Variants in COL21A1 observed in about 807,000 individuals in gnomAD.
COL21A1 encodes the protein collagen alpha-1(XXI) chain.
A neutral mutation model predicts 137.9 loss-of-function variants in COL21A1; 149 were observed. The observed-to-expected ratio is 1.08, with a 90% CI of 0.95 to 1.24. The LOEUF is 1.24. Ranked by LOEUF, COL21A1 falls within the 50% of genes most tolerant of loss-of-function variation. COL21A1 has a pLI of 0.00. For missense variants in COL21A1, 1,167 were observed against 1,158.4 expected, an observed-to-expected ratio of 1.01 and a Z score of -0.11; for synonymous variants, 456 against 391.5, an observed-to-expected ratio of 1.16 and a Z score of -1.95.
chr6:56,200,739 T>C (rs915917171), intron 1 of COL21A1, among the ~76,000 whole-genome samples: 1 of 152,092 alleles, frequency 6.6e-6, no homozygotes, highest in African/African-American at 2.4e-5. Flanking sequence ...GTCTTGGCTA[T>C]TGTGAATAGT....
intron 1 of COL21A1, among the ~76,000 whole-genome samples, chr6:56,333,586 T>A (rs1043121455): frequency 6.6e-6 from 1 of 152,146 alleles, no homozygotes; most frequent in Non-Finnish European, 1.5e-5. Context: ...AAAGCTGCTA[T>A]GAACATTCAC....
At chr6:56,323,087 G>T (rs925672882) in intron 1 of COL21A1, among the ~76,000 whole-genome samples, 2 of 151,994 alleles carry the variant, frequency 1.3e-5, no homozygotes, top group Admixed American at 6.6e-5. Context: ...CACTATTTGC[G>T]TGATAGTTAC....
chr6:56,288,129 G>A (rs1201377558), intron 1 of COL21A1, among the ~76,000 whole-genome samples: 1 of 151,966 alleles, frequency 6.6e-6, no homozygotes, highest in Non-Finnish European at 1.5e-5. Context: ...GCAATAGGAA[G>A]CTAATACAGG....
intron 1 of COL21A1, among the ~76,000 whole-genome samples, chr6:56,307,869 C>G (rs111402266): frequency 0.083 from 12,633 of 152,224 alleles, 566 homozygotes; most frequent in Middle Eastern, 0.14. Context: ...TGGCTCCACC[C>G]CCTCTTTAAT....
At chr6:56,221,131 TTAGGAGGTTTGCAGC>T (rs1780802080) in intron 1 of COL21A1, among the ~76,000 whole-genome samples, 1 of 152,130 alleles carries the variant, frequency 6.6e-6, no homozygotes, top group Admixed American at 6.6e-5. Flanking sequence ...CTCATGCATT[TTAGGAGGTTTGCAGC>T]ATCCTTCCAC....
intron 1 of COL21A1, among the ~76,000 whole-genome samples, chr6:56,196,504 A>G (rs1447239613): frequency 1.3e-5 from 2 of 152,148 alleles, no homozygotes; most frequent in African/African-American, 4.8e-5. Context: ...AAAGAAGTAC[A>G]TACAATAAAC....
At chr6:56,366,132 A>C (rs938117718) in intron 1 of COL21A1, among the ~76,000 whole-genome samples, 1 of 152,178 alleles carries the variant, frequency 6.6e-6, no homozygotes, top group Non-Finnish European at 1.5e-5. Flanking sequence ...TTCTGCAATT[A>C]GATTTGATAG....
rs185717365 is a variant in COL21A1 at position 56,153,476 on chromosome 6, C to T, written c.1434+3411G>A. Among the ~76,000 whole-genome samples the T allele has an allele frequency of 3.9e-5, 6 of 152,106 alleles. No homozygotes were observed. In the East Asian group the frequency reaches 1.2e-3, roughly 29 times the overall value. On this transcript the variant is annotated intron_variant, in intron 10 of 29. Coordinates refer to ENST00000244728, the MANE Select transcript of COL21A1 (RefSeq NM_030820.4). ...TATAAAAACATGCTACAATATCTCCCATTTTTTAAAAACCCTGACTTTAAA... is the reference window on the plus strand; with the variant it reads ...TATAAAAACATGCTACAATATCTCCTATTTTTTAAAAACCCTGACTTTAAA...
chr6:56,340,870 T>C (rs6922471), intron 1 of COL21A1, among the ~76,000 whole-genome samples: 100,143 of 151,590 alleles, frequency 0.66, 33,275 homozygotes, highest in South Asian at 0.81. Context: ...AAGTAATCTA[T>C]GTTCTCTGTC....
At chr6:56,134,738 C>T (rs150249311) in intron 12 of COL21A1, among the ~76,000 whole-genome samples, 20 of 152,302 alleles carry the variant, frequency 1.3e-4, no homozygotes, top group African/African-American at 4.6e-4. Context: ...GAATAAGTCT[C>T]GTGAGATCTG....
At chr6:56,258,029 A>G (rs1317284821) in intron 1 of COL21A1, among the ~76,000 whole-genome samples, 5 of 152,050 alleles carry the variant, frequency 3.3e-5, no homozygotes, top group African/African-American at 1.2e-4. Flanking sequence ...AATGTTTTAT[A>G]TTCTTGAAGT....
intron 17 of COL21A1, among the ~76,000 whole-genome samples, chr6:56,097,828 AAT>A (rs1160936193): frequency 9.5e-5 from 5 of 52,844 alleles, no homozygotes; most frequent in South Asian, 5.5e-4. Context: ...AATACATATA[AAT>A]ATATATAAAT....
At chr6:56,285,214 C>T (rs1420696588) in intron 1 of COL21A1, among the ~76,000 whole-genome samples, 1 of 152,192 alleles carries the variant, frequency 6.6e-6, no homozygotes, top group Non-Finnish European at 1.5e-5. Flanking sequence ...TTCCACCTAG[C>T]TACCATATAA....
At chr6:56,156,476 A>G (rs547276380) in intron 10 of COL21A1, among the ~76,000 whole-genome samples, 1 of 152,324 alleles carries the variant, frequency 6.6e-6, no homozygotes, top group Admixed American at 6.5e-5. Context: ...GTCTTTCTCA[A>G]GGACCTGAGA....
chr6:56,057,661 T>C lies in COL21A1; in HGVS notation c.2870A>G (p.Tyr957Cys). ...RRDPFRKGPN[Y>C] ...TGCTGAATGAGGCATCAGACACTAA[T>C]AGTTTGGTCCTTTTCTGAACGGATC... is the stretch of plus-strand genomic sequence containing the variant. The change falls in exon 30 of 30, where the codon TAT becomes TGT. Residue 957 changes from tyrosine (Y) to cysteine (C), a missense_variant. Coordinates refer to ENST00000244728, the MANE Select transcript of COL21A1 (RefSeq NM_030820.4). 6.2e-7 allele frequency: 1 copy of C among 1,612,796 alleles called. No homozygotes were observed. Among genetic ancestry groups the C allele is most frequent in the African/African-American group, 1.3e-5 (1 of 74,984 alleles).
chr6:56,091,187 T>G (rs1768782497), intron 17 of COL21A1, among the ~76,000 whole-genome samples: 1 of 152,216 alleles, frequency 6.6e-6, no homozygotes, highest in Non-Finnish European at 1.5e-5. Context: ...TCTGCATATA[T>G]GCATAAAACT....
At chr6:56,278,625 A>C (rs1021755789) in intron 1 of COL21A1, among the ~76,000 whole-genome samples, 1 of 152,230 alleles carries the variant, frequency 6.6e-6, no homozygotes, top group African/African-American at 2.4e-5. Context: ...GGTATATTTT[A>C]CAAAGCTCTT....
chr6:56,061,782 A>G (rs1765819452), intron 24 of COL21A1, 101 bp from the exon 25 acceptor site: 1 of 755,562 alleles, frequency 1.3e-6, no homozygotes, highest in Non-Finnish European at 2.1e-6. Context: ...TAAAATTTCA[A>G]TTTGGAAAAT....
intron 5 of COL21A1, 102 bp from the exon 6 acceptor site, chr6:56,168,399 A>T: frequency 1.1e-6 from 1 of 941,818 alleles, no homozygotes; most frequent in Non-Finnish European, 1.5e-6. Flanking sequence ...GAGAAACTTC[A>T]TCCCACACAG....
Sources: allele counts gnomAD v4.1 joint callset (sites outside exome capture counted in the v4.1 genomes callset), GRCh38; gene constraint gnomAD v4.1.1; transcripts MANE v1.5; gene names NCBI Gene and HGNC (gene_info 2026-07-23, HGNC 2026-07-21).